Variants in VCF1 observed in about 807,000 individuals in gnomAD.
VCF1 encodes VCP nuclear cofactor family member 1.
chr17:73,210,316 T>C, the VCF1 span, among the ~76,000 whole-genome samples: 4 of 152,180 alleles, frequency 2.6e-5, no homozygotes, highest in Admixed American at 6.5e-5. Flanking sequence ...AGGACTTTAA[T>C]AGACTTCTGG....
the VCF1 span, among the ~76,000 whole-genome samples, chr17:73,218,446 C>T: frequency 6.6e-6 from 1 of 151,522 alleles, no homozygotes; most frequent in East Asian, 2.0e-4. Context: ...GTTTAAAGTT[C>T]CTTCTGAATG....
At chr17:73,214,082 G>A in the VCF1 span, among the ~76,000 whole-genome samples, 17 of 152,298 alleles carry the variant, frequency 1.1e-4, no homozygotes, top group African/African-American at 4.1e-4. Context: ...TGAGAAGATT[G>A]TTTCACCTTA....
the VCF1 span, chr17:73,207,394 A>G: frequency 1.2e-6 from 1 of 849,738 alleles, no homozygotes; most frequent in South Asian, 1.4e-5. Context: ...ATGGCGGCGC[A>G]ATAGAGAAGT....
At chr17:73,209,610 T>C in the VCF1 span, 1 of 1,576,424 alleles carries the variant, frequency 6.3e-7, no homozygotes, top group Non-Finnish European at 8.6e-7. Context: ...AGTAGAGGCC[T>C]TGGCACAGCG....
the VCF1 span, among the ~76,000 whole-genome samples, chr17:73,227,926 T>C: frequency 6.6e-6 from 1 of 152,258 alleles, no homozygotes; most frequent in Non-Finnish European, 1.5e-5. Context: ...TTAAGAATTA[T>C]GTGCTGTCAA....
chr17:73,210,086 C>T, the VCF1 span, among the ~76,000 whole-genome samples: 1 of 152,332 alleles, frequency 6.6e-6, no homozygotes, highest in East Asian at 1.9e-4. Flanking sequence ...TGCACATATT[C>T]TATACCTGCT....
chr17:73,214,280 G>C, the VCF1 span, among the ~76,000 whole-genome samples: 1 of 148,756 alleles, frequency 6.7e-6, no homozygotes, highest in African/African-American at 2.5e-5. Flanking sequence ...AATTGAGAGT[G>C]AAACCAGCAT....
At chr17:73,223,161 T>C in the VCF1 span, among the ~76,000 whole-genome samples, 1 of 151,814 alleles carries the variant, frequency 6.6e-6, no homozygotes, top group African/African-American at 2.4e-5. Flanking sequence ...TTACTAAAAA[T>C]ACAAAATTAG....
the VCF1 span, among the ~76,000 whole-genome samples, chr17:73,220,264 C>G: frequency 1.3e-5 from 2 of 152,134 alleles, no homozygotes; most frequent in East Asian, 3.9e-4. Context: ...TCAGTTAAAA[C>G]AAATGAATTT....
chr17:73,226,332 G>A, the VCF1 span, among the ~76,000 whole-genome samples: 1 of 152,336 alleles, frequency 6.6e-6, no homozygotes, highest in South Asian at 2.1e-4. Flanking sequence ...TCCCCCTTGG[G>A]GGAGTTACTT....
the VCF1 span, among the ~76,000 whole-genome samples, chr17:73,221,621 G>A: frequency 1.3e-5 from 2 of 152,116 alleles, no homozygotes; most frequent in Non-Finnish European, 2.9e-5. Flanking sequence ...GGGCATGGTG[G>A]CTCACACCTG....
chr17:73,212,965 G>C, the VCF1 span, among the ~76,000 whole-genome samples: 3 of 151,884 alleles, frequency 2.0e-5, no homozygotes, highest in Non-Finnish European at 4.4e-5. Context: ...AAAAATCTTG[G>C]CTGGGCGCGG....
the VCF1 span, among the ~76,000 whole-genome samples, chr17:73,222,265 G>A: frequency 6.6e-6 from 1 of 150,500 alleles, no homozygotes; most frequent in African/African-American, 2.4e-5. Context: ...AGGCTCATAA[G>A]TCATTAAGTC....
At chr17:73,211,617 T>G in the VCF1 span, among the ~76,000 whole-genome samples, 1 of 148,078 alleles carries the variant, frequency 6.8e-6, no homozygotes, top group Non-Finnish European at 1.5e-5. Context: ...ATCCCAGCAC[T>G]TTGGGAGCCC....
At chr17:73,208,544 CTT>C in the VCF1 span, 1 of 1,449,854 alleles carries the variant, frequency 6.9e-7, no homozygotes, top group African/African-American at 1.4e-5. Flanking sequence ...CCACACCAAT[CTT>C]TCCAGTTTCA....
the VCF1 span, among the ~76,000 whole-genome samples, chr17:73,221,345 A>G: frequency 1.1e-4 from 17 of 151,668 alleles, no homozygotes; most frequent in Admixed American, 3.9e-4. Context: ...AGATAAAGAT[A>G]TTAAAACTGA....
the VCF1 span, chr17:73,227,773 T>C: frequency 7.0e-6 from 3 of 429,598 alleles, no homozygotes; most frequent in Non-Finnish European, 9.3e-6. Flanking sequence ...GGTATTATGA[T>C]ATAACAATTA....
the VCF1 span, chr17:73,212,852 G>A: frequency 1.4e-5 from 9 of 655,282 alleles, no homozygotes; most frequent in Non-Finnish European, 2.2e-5. Flanking sequence ...CTAAGAAAAG[G>A]CAAAAGTTCT....
the VCF1 span, chr17:73,207,765 T>A: frequency 2.3e-6 from 3 of 1,289,678 alleles, no homozygotes; most frequent in South Asian, 3.7e-5. Flanking sequence ...GCTGTGTGCA[T>A]GTGTGTTTGA....
Sources: allele counts gnomAD v4.1 joint callset (sites outside exome capture counted in the v4.1 genomes callset), GRCh38; gene constraint gnomAD v4.1.1; transcripts MANE v1.5; gene names NCBI Gene and HGNC (gene_info 2026-07-23, HGNC 2026-07-21).